Variants in MAP3K3 observed in about 807,000 individuals in gnomAD.
The protein encoded by MAP3K3 is MAP/ERK kinase kinase 3.
A neutral mutation model predicts 80.9 loss-of-function variants in MAP3K3; 12 were observed. The ratio of observed to expected loss-of-function variants is 0.15; its 90% confidence interval spans 0.10 to 0.24. MAP3K3 has a LOEUF of 0.24. Ranked by LOEUF, MAP3K3 falls within the 10% of genes least tolerant of loss-of-function variation. MAP3K3 has a pLI of 1.00. For synonymous variants in MAP3K3, 272 were observed against 307.1 expected (o/e 0.89, Z 1.19); for missense variants, 596 against 834.7 (o/e 0.71, Z 3.52).
intron 5 of MAP3K3, among the ~76,000 whole-genome samples, chr17:63,660,135 TTC>T (rs1227507875): frequency 6.6e-6 from 1 of 152,188 alleles, no homozygotes; most frequent in Non-Finnish European, 1.5e-5. Context: ...GTCACTTTGT[TTC>T]TCCACTTTGA....
At chr17:63,643,074 GAAAA>G (rs111874184) in intron 2 of MAP3K3, among the ~76,000 whole-genome samples, 1 of 122,214 alleles carries the variant, frequency 8.2e-6, no homozygotes, top group Non-Finnish European at 1.8e-5. Flanking sequence ...TTCTAAAAAT[GAAAA>G]AAAAAAAAAA....
rs55818509 is a variant in MAP3K3, at chr17:63,658,734, CTTT to C, written c.381+842_381+844del. 3.3e-3 allele frequency among the ~76,000 whole-genome samples: 456 copies of C among 138,104 alleles called. 2 individuals are homozygous for C. Among genetic ancestry groups the C allele is most frequent in the African/African-American group, 0.011 (416 of 37,178 alleles). The allele number at this position is 138,104 out of a possible 152,430, so 90.6% of individuals were successfully genotyped here. A position where few individuals can be genotyped will look rare whatever the true frequency, so the allele number is the denominator to read the frequency against. On this transcript the variant is annotated intron_variant, in intron 5 of 15. Transcript: ENST00000361733. The stretch of plus-strand genomic sequence containing the variant: ...GCTGCTCATGCTGACCATTTCTTTT[CTTT>C]TTTTTTTTTTTTTTGAGACAGAGTT...
chr17:63,638,472 G>T (rs1230301997), intron 2 of MAP3K3, among the ~76,000 whole-genome samples: 1 of 152,164 alleles, frequency 6.6e-6, no homozygotes, highest in Admixed American at 6.5e-5. Context: ...ATGTTCAGCT[G>T]TTGAGTCCAG....
At position 63,692,464 on chromosome 17, in the gene MAP3K3, A is replaced by G; in HGVS notation, c.1652+45A>G. Reference sequence around the variant, plus strand: ...GAACCCATTCTTCCACCCAGGCCATAGTGGCCCCCCATTAGAAACACACCC... The same window carrying G: ...GAACCCATTCTTCCACCCAGGCCATGGTGGCCCCCCATTAGAAACACACCC... On this transcript the variant is annotated intron_variant, in intron 15 of 15. Coordinates refer to ENST00000361733, the MANE Select transcript of MAP3K3 (RefSeq NM_002401.5). This position sits in a 1 kb window ranked among gnomAD's most constrained non-coding sequence, Gnocchi z 4.5. 4.5e-6 allele frequency: 7 copies of G among 1,549,918 alleles called. No homozygotes were observed. Among genetic ancestry groups the G allele is most frequent in the African/African-American group, 1.4e-5 (1 of 72,626 alleles).
At chr17:63,634,166 C>CTA (rs1334958653) in intron 2 of MAP3K3, among the ~76,000 whole-genome samples, 4 of 152,178 alleles carry the variant, frequency 2.6e-5, no homozygotes, top group African/African-American at 4.8e-5. Context: ...TTCTCCCTTG[C>CTA]TATAACTCAT....
At chr17:63,635,782 C>T (rs1699066560) in intron 2 of MAP3K3, among the ~76,000 whole-genome samples, 1 of 152,070 alleles carries the variant, frequency 6.6e-6, no homozygotes, top group Admixed American at 6.5e-5. Flanking sequence ...TTCTTCATTA[C>T]CAGTTCTTCT....
chr17:63,654,622 G>C (rs2034726975), intron 4 of MAP3K3, among the ~76,000 whole-genome samples: 1 of 152,174 alleles, frequency 6.6e-6, no homozygotes, highest in South Asian at 2.1e-4. Flanking sequence ...CTAACTTTTT[G>C]AGGAACTGCC....
At chr17:63,674,920 T>G (rs1050700717) in intron 6 of MAP3K3, among the ~76,000 whole-genome samples, 5 of 152,168 alleles carry the variant, frequency 3.3e-5, no homozygotes, top group Admixed American at 2.0e-4. Flanking sequence ...AACTGGGCAG[T>G]AAACAGAGAG....
In MAP3K3 at chr17:63,693,163, C is replaced by T. The variant is rs150840084; in HGVS notation, c.1653-386C>T. On this transcript the variant is annotated intron_variant, in intron 15 of 15. Coordinates refer to ENST00000361733, the MANE Select transcript of MAP3K3 (RefSeq NM_002401.5). This position sits in a 1 kb window ranked among gnomAD's most constrained non-coding sequence, Gnocchi z 4.2. ...AGCCTCTGACAGGAACCAGCCCTGC[C>T]GCCACCTTGACTTTAGCCCTGTGAG... 3.1e-3 allele frequency among the ~76,000 whole-genome samples: 468 copies of T among 152,240 alleles called. No individual in the cohort carries two copies. Among genetic ancestry groups the T allele is most frequent in the Admixed American group, 5.9e-3 (91 of 15,296 alleles).
chr17:63,650,680 G>GAC (rs1167383413), intron 3 of MAP3K3, among the ~76,000 whole-genome samples: 1 of 148,448 alleles, frequency 6.7e-6, no homozygotes, highest in East Asian at 2.0e-4. Context: ...GAGAGAGAGA[G>GAC]AGAGAGAGAG....
intron 6 of MAP3K3, among the ~76,000 whole-genome samples, chr17:63,673,631 CG>C: frequency 6.6e-6 from 1 of 152,222 alleles, no homozygotes; most frequent in East Asian, 1.9e-4. Context: ...GACTTGTCGG[CG>C]GGGTGCAGTG....
At chr17:63,647,551 A>C (rs369943434) in intron 3 of MAP3K3, among the ~76,000 whole-genome samples, 1 of 152,104 alleles carries the variant, frequency 6.6e-6, no homozygotes, top group East Asian at 1.9e-4. Flanking sequence ...CCAGATTGAA[A>C]CCACAAATAT....
intron 1 of MAP3K3, among the ~76,000 whole-genome samples, chr17:63,626,027 C>T (rs933492536): frequency 2.6e-5 from 4 of 152,132 alleles, no homozygotes; most frequent in African/African-American, 7.2e-5. Context: ...GAACCATGAT[C>T]GTGTCACTGC....
chr17:63,657,692 C>T (rs1333375304), intron 4 of MAP3K3, 102 bp from the exon 5 acceptor site: 4 of 542,260 alleles, frequency 7.4e-6, no homozygotes, highest in Non-Finnish European at 1.3e-5. Flanking sequence ...TGTTTTCCTC[C>T]AAATGTATTT....
chr17:63,683,659 T>C lies in MAP3K3; in HGVS notation c.636+1760T>C, dbSNP rs565541448. ...GAGAATTGCTCCTGGTAACAGGCCA[T>C]TTGAGATCAATCTGCTTAACAGGAA... On this transcript the variant is annotated intron_variant, in intron 7 of 15. Coordinates refer to ENST00000361733, the MANE Select transcript of MAP3K3 (RefSeq NM_002401.5). Among the ~76,000 whole-genome samples, 3 of 152,302 alleles carry C rather than the reference T, an allele frequency of 2.0e-5. No homozygotes were observed. In the South Asian group the frequency reaches 6.2e-4, roughly 32 times the overall value.
In MAP3K3 at chr17:63,666,940, A is replaced by C. The variant is rs1041649176; in HGVS notation, c.382A>C (p.Asn128His). The C allele has an allele frequency of 1.9e-6, 3 of 1,612,950 alleles. No individual in the cohort carries two copies. In the African/African-American group the frequency reaches 4.0e-5, roughly 22 times the overall value. ...TGGCCTTTTTCCTCTTCTTTTACAGAACAGTTCCTCTCCCCACTCTGGGGT... is the reference window on the plus strand; with the variant it reads ...TGGCCTTTTTCCTCTTCTTTTACAGCACAGTTCCTCTCCCCACTCTGGGGT... ...ILLLSQDRNH[N>H]SSSPHSGVSR... Residue 128 changes from asparagine (N) to histidine (H), a missense_variant and splice_region_variant, in exon 6 of 16, where the codon AAC becomes CAC. Physicochemically the swap from Asn to His is moderately conservative, Grantham distance 68. This residue lies in a region of MAP3K3 where 232 missense variants were observed against 245.8 expected (regional missense o/e 0.94). Transcript: ENST00000361733.
At chr17:63,657,762 A>T in intron 4 of MAP3K3, 32 bp from the exon 5 acceptor site, 1 of 939,676 alleles carries the variant, frequency 1.1e-6, no homozygotes, top group Non-Finnish European at 1.7e-6. Context: ...TCTGTTTTAT[A>T]TTATTTTCCT....
Position 63,657,796 on chromosome 17 carries a change from C to G in MAP3K3, c.270C>G (p.Leu90=). 1 of 1,499,018 alleles carries G rather than the reference C, an allele frequency of 6.7e-7. No individual in the cohort carries two copies. The highest frequency in any genetic ancestry group is 9.3e-7 in the Non-Finnish European group (1 of 1,078,924). 92.9% of individuals were successfully genotyped at this position (1,499,018 alleles called of 1,614,324 possible). A position where few individuals can be genotyped will look rare whatever the true frequency, so the allele number is the denominator to read the frequency against. Residue 90 remains leucine, a splice_region_variant and synonymous_variant, in exon 5 of 16, where the codon CTC becomes CTG. Transcript: ENST00000361733. ...PLDLHYMNNE[L]SILLKNQDDL... ...CTTTTCTATGTCTTGTATCACAGCTCTCCATCCTGCTGAAAAACCAAGATG... is the reference window on the plus strand; with the variant it reads ...CTTTTCTATGTCTTGTATCACAGCTGTCCATCCTGCTGAAAAACCAAGATG...
At chr17:63,679,128 TG>T (rs2035278686) in intron 6 of MAP3K3, among the ~76,000 whole-genome samples, 1 of 151,524 alleles carries the variant, frequency 6.6e-6, no homozygotes, top group African/African-American at 2.4e-5. Flanking sequence ...TGGCCAGGCA[TG>T]GGGGCCCATG....
Sources: gnomAD v4.1 joint callset for allele counts (sites outside exome capture counted in the v4.1 genomes callset) on GRCh38, gnomAD v4.1.1 for gene constraint, gnomAD v4.1.1 regional missense constraint, Gnocchi (gnomAD v3.1) non-coding constraint, MANE v1.5 for transcripts, NCBI Gene and HGNC (gene_info 2026-07-23, HGNC 2026-07-21) for gene names.